TOGARAM1: variants seen among roughly 807,000 people sequenced by gnomAD.
TOGARAM1 encodes TOG array regulator of axonemal microtubules 1.
A neutral mutation model predicts 166.6 loss-of-function variants in TOGARAM1; 100 were observed. The observed-to-expected ratio is 0.60, with a 90% CI of 0.51 to 0.71. The LOEUF (loss-of-function observed/expected upper bound fraction) is 0.71, where lower values mean the gene tolerates loss of function less well. Among genes scored for constraint, TOGARAM1 ranks in the 30% least tolerant of loss-of-function variants. The pLI is 0.00. For missense variants in TOGARAM1, 2,029 were observed against 2,102.7 expected, an observed-to-expected ratio of 0.96 and a Z score of 0.69; for synonymous variants, 758 against 763.8, an observed-to-expected ratio of 0.99 and a Z score of 0.13.
chr14:44,990,383 A>G (rs772882036), intron 1 of TOGARAM1, among the ~76,000 whole-genome samples: 2 of 152,222 alleles, frequency 1.3e-5, no homozygotes, highest in Non-Finnish European at 2.9e-5. Context: ...CATGAGCCAC[A>G]TTGCTCAGTC....
intron 14 of TOGARAM1, among the ~76,000 whole-genome samples, chr14:45,049,817 CCTCT>C (rs1016360945): frequency 5.3e-5 from 8 of 151,850 alleles, no homozygotes; most frequent in East Asian, 3.9e-4. Flanking sequence ...TTCTTTTCTC[CCTCT>C]CTATCACCTT....
At chr14:45,024,292 A>G (rs1335603772) in intron 7 of TOGARAM1, among the ~76,000 whole-genome samples, 1 of 152,106 alleles carries the variant, frequency 6.6e-6, no homozygotes, top group Non-Finnish European at 1.5e-5. Context: ...ATGATTTACT[A>G]TTTACTCTTT....
intron 2 of TOGARAM1, among the ~76,000 whole-genome samples, chr14:44,998,549 C>T (rs2138818673): frequency 6.6e-6 from 1 of 152,318 alleles, no homozygotes; most frequent in Middle Eastern, 3.4e-3. Context: ...GGAAGATCAC[C>T]TGAGCTCAGG....
At chr14:45,033,154 G>C (rs1436593318) in intron 11 of TOGARAM1, among the ~76,000 whole-genome samples, 1 of 151,826 alleles carries the variant, frequency 6.6e-6, no homozygotes, top group Non-Finnish European at 1.5e-5. Flanking sequence ...TTGGGAGACT[G>C]AGGCAGGAGA....
chr14:44,977,895 C>T (rs1424008436), intron 1 of TOGARAM1, among the ~76,000 whole-genome samples: 1 of 152,170 alleles, frequency 6.6e-6, no homozygotes, highest in Admixed American at 6.5e-5. Context: ...AGCAATCCTC[C>T]CTCCACTGCC....
intron 3 of TOGARAM1, among the ~76,000 whole-genome samples, chr14:45,000,536 A>C: frequency 6.6e-6 from 1 of 152,088 alleles, no homozygotes; most frequent in Admixed American, 6.6e-5. Context: ...ACAGGATTTC[A>C]TTCTTTATAT....
At chr14:44,997,309 G>A (rs1594636622) in intron 2 of TOGARAM1, 1 of 150,114 alleles carries the variant, frequency 6.7e-6, no homozygotes, top group Admixed American at 6.7e-5. Context: ...GAGAGGCTGA[G>A]GCAGGAGAAT....
intron 16 of TOGARAM1, among the ~76,000 whole-genome samples, chr14:45,057,877 G>C (rs1408824872): frequency 6.6e-6 from 1 of 152,164 alleles, no homozygotes. Context: ...CTGTGTTGAA[G>C]AATGTTCCAT....
intron 1 of TOGARAM1, among the ~76,000 whole-genome samples, chr14:44,990,014 G>A (rs1887044869): frequency 1.3e-5 from 2 of 152,166 alleles, no homozygotes; most frequent in South Asian, 4.1e-4. Flanking sequence ...TCACTATCAT[G>A]AGAACAGCAT....
intron 7 of TOGARAM1, among the ~76,000 whole-genome samples, chr14:45,015,584 T>C (rs557086101): frequency 8.6e-5 from 13 of 151,860 alleles, no homozygotes; most frequent in Non-Finnish European, 1.9e-4. Flanking sequence ...TTTGCTTTTT[T>C]TTTTTTTTAA....
At chr14:45,045,729 A>G (rs1305103785) in intron 13 of TOGARAM1, among the ~76,000 whole-genome samples, 1 of 140,016 alleles carries the variant, frequency 7.1e-6, no homozygotes, top group Admixed American at 7.4e-5. Context: ...ATATATACAC[A>G]TATATATACA....
At chr14:44,985,454 G>C (rs373221625) in intron 1 of TOGARAM1, among the ~76,000 whole-genome samples, 4 of 152,286 alleles carry the variant, frequency 2.6e-5, no homozygotes, top group South Asian at 4.2e-4. Flanking sequence ...CATAGACTAG[G>C]GGGTGGGGGA....
chr14:45,027,049 A>G (rs1297732724), intron 8 of TOGARAM1, among the ~76,000 whole-genome samples: 1 of 152,098 alleles, frequency 6.6e-6, no homozygotes, highest in Non-Finnish European at 1.5e-5. Flanking sequence ...GCTCACAGCA[A>G]CCTTTTCTTT....
chr14:44,971,799 T>C lies in TOGARAM1; in HGVS notation c.2046+7332T>C, dbSNP rs184888850. 3.9e-5 allele frequency among the ~76,000 whole-genome samples: 6 copies of C among 152,356 alleles called. No individual in the cohort carries two copies. In the East Asian group the frequency reaches 1.2e-3, roughly 29 times the overall value. On this transcript the variant is annotated intron_variant, in intron 1 of 19. Coordinates refer to ENST00000361462, the MANE Select transcript of TOGARAM1 (RefSeq NM_001308120.2). The stretch of plus-strand genomic sequence containing the variant: ...TCACTTGAGATTTCTTTGACTTGTA[T>C]GTAACTTAGAAGTGTATTTAGTCTA...
At chr14:44,993,939 C>T (rs1428664873) in intron 1 of TOGARAM1, among the ~76,000 whole-genome samples, 1 of 152,162 alleles carries the variant, frequency 6.6e-6, no homozygotes, top group Non-Finnish European at 1.5e-5. Flanking sequence ...GGATTACTCA[C>T]TATGTTAGCT....
At chr14:44,992,227 T>G (rs1887182206) in intron 1 of TOGARAM1, among the ~76,000 whole-genome samples, 1 of 152,032 alleles carries the variant, frequency 6.6e-6, no homozygotes, top group Non-Finnish European at 1.5e-5. Context: ...GTATCACAGC[T>G]ATTTTTTCTA....
At chr14:44,969,341 C>T (rs1027422853) in intron 1 of TOGARAM1, among the ~76,000 whole-genome samples, 3 of 151,696 alleles carry the variant, frequency 2.0e-5, no homozygotes. Flanking sequence ...TTAGTAGAGA[C>T]GGGATTTCAC....
chr14:45,039,857 C>G (rs1020485130), intron 11 of TOGARAM1, among the ~76,000 whole-genome samples: 2 of 152,170 alleles, frequency 1.3e-5, no homozygotes, highest in African/African-American at 4.8e-5. Context: ...ATGGCTCCCA[C>G]CTGTTCCTGG....
At chr14:44,971,764 T>G (rs1366013330) in intron 1 of TOGARAM1, among the ~76,000 whole-genome samples, 1 of 152,232 alleles carries the variant, frequency 6.6e-6, no homozygotes, top group Non-Finnish European at 1.5e-5. Context: ...TTTCAAAATA[T>G]TTAAAAATTT....
Sources: gnomAD v4.1 joint callset for allele counts (sites outside exome capture counted in the v4.1 genomes callset) on GRCh38, gnomAD v4.1.1 for gene constraint, MANE v1.5 for transcripts, NCBI Gene and HGNC (gene_info 2026-07-23, HGNC 2026-07-21) for gene names.